PCLO: variants seen among roughly 807,000 people sequenced by gnomAD.
PCLO encodes protein piccolo.
A neutral mutation model predicts 427.5 loss-of-function variants in PCLO; 82 were observed. The ratio of observed to expected loss-of-function variants is 0.19; its 90% CI spans 0.16 to 0.23. PCLO has a LOEUF of 0.23. PCLO is among the 10% of genes least tolerant of loss of function. The pLI, the probability that PCLO is intolerant of heterozygous loss-of-function variation, is 1.00. For missense variants in PCLO, 6,239 were observed against 6,115.9 expected (o/e 1.02, Z -0.67); for synonymous variants, 2,357 against 2,155.4 (o/e 1.09, Z -2.59).
rs190350688 is a variant in PCLO, at chr7:83,093,759, T to C, written c.3300+40491A>G. On this transcript the variant is annotated intron_variant, in intron 3 of 24. Transcript: ENST00000333891. ...CCGCCAGCCTCGGCCTCCCAAAGCG[T>C]TGGGATTACAGGCATAAGCCACCAC... Among the ~76,000 whole-genome samples, 34 of 147,714 alleles carry C rather than the reference T, an allele frequency of 2.3e-4. No individual in the cohort carries two copies. In the East Asian group the frequency reaches 5.4e-3, roughly 23 times the overall value.
chr7:82,771,044 C>A (rs1023154459), intron 22 of PCLO, among the ~76,000 whole-genome samples: 1 of 151,530 alleles, frequency 6.6e-6, no homozygotes, highest in African/African-American at 2.4e-5. Flanking sequence ...TCCTAGTTAC[C>A]GTGTGTTTGA....
chr7:82,964,794 TG>T (rs1431467734), intron 4 of PCLO, among the ~76,000 whole-genome samples: 1 of 152,108 alleles, frequency 6.6e-6, no homozygotes, highest in Non-Finnish European at 1.5e-5. Flanking sequence ...ACTCATTTAA[TG>T]AAAGGAGACC....
At position 82,999,808 on chromosome 7, in the gene PCLO, T is replaced by A. The variant is rs866576373; in HGVS notation, c.3301-33321A>T. ...ATATAAAATATAATATATAATATTATATATAAAATATAATATATAATATTA... is the reference window on the plus strand; with the variant it reads ...ATATAAAATATAATATATAATATTAAATATAAAATATAATATATAATATTA... On this transcript the variant is annotated intron_variant, in intron 3 of 24. Coordinates refer to ENST00000333891, the MANE Select transcript of PCLO (RefSeq NM_033026.6). Among the ~76,000 whole-genome samples, 8 of 98,534 alleles carry A rather than the reference T, an allele frequency of 8.1e-5. 1 individual carries two copies. The highest frequency in any genetic ancestry group is 1.2e-4 in the Admixed American group (1 of 8,078). 64.6% of individuals were successfully genotyped at this position (98,534 alleles called of 152,430 possible). A position where few individuals can be genotyped will look rare whatever the true frequency, so the allele number is the denominator to read the frequency against.
chr7:83,132,238 T>A (rs2116605808), intron 3 of PCLO, among the ~76,000 whole-genome samples: 1 of 152,300 alleles, frequency 6.6e-6, no homozygotes, highest in South Asian at 2.1e-4. Context: ...TTTTGTTAGA[T>A]CTTCTTCCCT....
At chr7:83,021,837 C>CAAG (rs1788351838) in intron 3 of PCLO, among the ~76,000 whole-genome samples, 1 of 151,962 alleles carries the variant, frequency 6.6e-6, no homozygotes, top group African/African-American at 2.4e-5. Context: ...AAGAAAGAGG[C>CAAG]AAGAAAATAG....
At chr7:82,898,858 A>G (rs1793969359) in intron 9 of PCLO, among the ~76,000 whole-genome samples, 1 of 151,440 alleles carries the variant, frequency 6.6e-6, no homozygotes, top group Non-Finnish European at 1.5e-5. Flanking sequence ...AATTATGTTC[A>G]ATTTTATTTT....
At chr7:82,997,355 T>C (rs541837999) in intron 3 of PCLO, among the ~76,000 whole-genome samples, 1 of 152,156 alleles carries the variant, frequency 6.6e-6, no homozygotes, top group East Asian at 1.9e-4. Flanking sequence ...CCTGCTTATA[T>C]TATTTTACTC....
intron 3 of PCLO, among the ~76,000 whole-genome samples, chr7:83,043,918 T>TC (rs1227369554): frequency 4.7e-5 from 5 of 106,604 alleles, no homozygotes; most frequent in African/African-American, 1.9e-4. Flanking sequence ...TTTTCTTTTT[T>TC]TTTTTTTTTT....
At chr7:82,948,024 C>CA (rs1459288909) in intron 6 of PCLO, among the ~76,000 whole-genome samples, 2 of 151,984 alleles carry the variant, frequency 1.3e-5, no homozygotes, top group African/African-American at 2.4e-5. Flanking sequence ...AAAATACTGC[C>CA]AAAAATCATA....
Position 82,954,117 on chromosome 7 carries a change from G to A in PCLO, c.6836C>T (p.Pro2279Leu), listed in dbSNP as rs368548484. ...MASSIIESVV[P>L]KPEGPVADTV... ...GTCAGCAACTGGCCCTTCAGGTTTA[G>A]GTACTACAGATTCTATGATAGAAGA... is the stretch of plus-strand genomic sequence containing the variant. Residue 2279 changes from proline (P) to leucine (L), a missense_variant, in exon 5 of 25, where the codon CCT (proline) becomes CTT (leucine). This residue lies in a region of PCLO where 4,677 missense variants were observed against 4,468.4 expected (regional missense o/e 1.05). Transcript: ENST00000333891. 334 of 1,613,746 alleles carry A rather than the reference G, an allele frequency of 2.1e-4. No homozygotes were observed. The highest frequency in any genetic ancestry group is 2.6e-4 in the Non-Finnish European group (305 of 1,179,840).
At chr7:82,906,007 A>G (rs1794180210) in intron 8 of PCLO, among the ~76,000 whole-genome samples, 1 of 22,206 alleles carries the variant, frequency 4.5e-5, no homozygotes, top group Non-Finnish European at 8.5e-5. Flanking sequence ...GGTTAAGCAT[A>G]TAGATAGATA....
intron 3 of PCLO, among the ~76,000 whole-genome samples, chr7:83,076,204 A>T (rs776698483): frequency 2.0e-4 from 31 of 151,466 alleles, no homozygotes; most frequent in Non-Finnish European, 3.5e-4. Flanking sequence ...TTATATTCTC[A>T]TAATTTATTC....
At chr7:82,882,111 T>C (rs1200796678) in intron 9 of PCLO, among the ~76,000 whole-genome samples, 1 of 152,208 alleles carries the variant, frequency 6.6e-6, no homozygotes, top group Non-Finnish European at 1.5e-5. Context: ...ATTGAATTTA[T>C]ATAATTTTAA....
At chr7:83,079,872 T>C (rs1790051391) in intron 3 of PCLO, among the ~76,000 whole-genome samples, 1 of 151,754 alleles carries the variant, frequency 6.6e-6, no homozygotes, top group Non-Finnish European at 1.5e-5. Context: ...CTCTCCCTCC[T>C]CCTAACTCAC....
chr7:83,099,166 T>G (rs6960031), intron 3 of PCLO, among the ~76,000 whole-genome samples: 1 of 148,892 alleles, frequency 6.7e-6, no homozygotes, highest in East Asian at 2.0e-4. Context: ...AGGAAAGTCA[T>G]TGAACGTGTA....
At chr7:82,829,531 G>A (rs1231041383) in intron 16 of PCLO, among the ~76,000 whole-genome samples, 1 of 152,110 alleles carries the variant, frequency 6.6e-6, no homozygotes, top group Non-Finnish European at 1.5e-5. Flanking sequence ...CTATTTGAAT[G>A]TACACAATTA....
chr7:82,777,642 T>C (rs1790782964), intron 22 of PCLO, among the ~76,000 whole-genome samples: 1 of 152,000 alleles, frequency 6.6e-6, no homozygotes, highest in African/African-American at 2.4e-5. Flanking sequence ...AAACGAGCAA[T>C]GGGAAAAGAG....
At chr7:82,977,323 CT>C (rs998292929) in intron 3 of PCLO, among the ~76,000 whole-genome samples, 21 of 149,216 alleles carry the variant, frequency 1.4e-4, no homozygotes, top group South Asian at 2.1e-4. Context: ...TAGTTCTGTG[CT>C]TTTTTTTTCC....
In PCLO at chr7:82,956,086, C is replaced by A. The variant is rs866989104; in HGVS notation, c.4867G>T (p.Ala1623Ser). The A allele has an allele frequency of 1.9e-6, 3 of 1,611,514 alleles. No homozygotes were observed. The highest frequency in any genetic ancestry group is 2.5e-6 in the Non-Finnish European group (3 of 1,179,858). Residue 1623 changes from alanine to serine, a missense_variant, in exon 5 of 25, where the codon GCA (alanine) becomes TCA (serine). Coordinates refer to ENST00000333891, the MANE Select transcript of PCLO (RefSeq NM_033026.6). ...TCATGCCATGAGTGACGTCTTCCTGCATCTTCATCAATGCTTGTGCTACTT... is the reference window on the plus strand; with the variant it reads ...TCATGCCATGAGTGACGTCTTCCTGAATCTTCATCAATGCTTGTGCTACTT... The part of the protein sequence containing the change: ...RKSSTSIDED[A>S]GRRHSWHDED...
Sources: gnomAD v4.1 joint callset for allele counts (sites outside exome capture counted in the v4.1 genomes callset) on GRCh38, gnomAD v4.1.1 for gene constraint, gnomAD v4.1.1 regional missense constraint, MANE v1.5 for transcripts, NCBI Gene and HGNC (gene_info 2026-07-23, HGNC 2026-07-21) for gene names.